UBAP2: variants seen among roughly 807,000 people sequenced by gnomAD.
UBAP2 encodes the protein ubiquitin associated protein 2, also known as ubiquitin-associated protein 2.
In UBAP2, 75 loss-of-function variants were observed where a neutral mutation model predicts 139.6. That is an observed-to-expected ratio of 0.54 (90% CI 0.45 to 0.65). The LOEUF (loss-of-function observed/expected upper bound fraction) is 0.65. Among genes scored for constraint, UBAP2 ranks in the 30% least tolerant of loss-of-function variants. The pLI, the probability that UBAP2 is intolerant of heterozygous loss-of-function variation, is 0.00. For missense variants in UBAP2, 1,368 were observed against 1,369.6 expected (o/e 1.00, Z 0.02); for synonymous variants, 526 against 526.2 (o/e 1.00, Z 0.01).
chr9:33,965,492 C>T (rs925790781), intron 8 of UBAP2, among the ~76,000 whole-genome samples: 2 of 152,082 alleles, frequency 1.3e-5, no homozygotes, highest in East Asian at 1.9e-4. Context: ...TCAGGCTTAT[C>T]GGATTCTATA....
intron 16 of UBAP2, among the ~76,000 whole-genome samples, chr9:33,939,625 T>A (rs1250207655): frequency 6.7e-6 from 1 of 148,236 alleles, no homozygotes; most frequent in South Asian, 2.2e-4. Flanking sequence ...GTGGCATGTG[T>A]CTGCAGTCCC....
At chr9:34,048,920 T>C (rs941267520), upstream of UBAP2, 1 of 152,096 alleles carries the variant, frequency 6.6e-6, no homozygotes, top group Non-Finnish European at 1.5e-5. Flanking sequence ...CGGCACAGGC[T>C]GCCCAACCCG....
intron 6 of UBAP2, among the ~76,000 whole-genome samples, chr9:33,978,107 A>T (rs1820315871): frequency 6.6e-6 from 1 of 152,010 alleles, no homozygotes; most frequent in South Asian, 2.1e-4. Flanking sequence ...ATAGAGGCAC[A>T]ATAATGGCAT....
chr9:34,041,667 T>C (rs1205495365), intron 1 of UBAP2, among the ~76,000 whole-genome samples: 1 of 152,102 alleles, frequency 6.6e-6, no homozygotes, highest in African/African-American at 2.4e-5. Flanking sequence ...ATCGTGCCAC[T>C]GGCATTCCAG....
At position 33,922,776 on chromosome 9, in the gene UBAP2, A is replaced by AGCCAGGGGCCGCTCCCGAG; in HGVS notation, c.3156_3174dup (p.Tyr1059LeufsTer99). 1 of 1,560,008 alleles carries AGCCAGGGGCCGCTCCCGAG rather than the reference A, an allele frequency of 6.4e-7. No homozygotes were observed. Among genetic ancestry groups the AGCCAGGGGCCGCTCCCGAG allele is most frequent in the African/African-American group, 1.4e-5 (1 of 73,424 alleles). On this transcript the variant is annotated frameshift_variant, in exon 28 of 29. Transcript: ENST00000379238. LOFTEE classifies it high-confidence loss of function. ...ATGTGTAGGAATGGTGGGGGTGCATAGCCAGGGGCCGCTCCCGAGGCCAGG... is the reference window on the plus strand; with the variant it reads ...ATGTGTAGGAATGGTGGGGGTGCATAGCCAGGGGCCGCTCCCGAGGCCAGGGGCCGCTCCCGAGGCCAGG...
intron 2 of UBAP2, among the ~76,000 whole-genome samples, chr9:34,009,363 T>G (rs896343900): frequency 2.6e-5 from 4 of 152,006 alleles, no homozygotes; most frequent in Non-Finnish European, 5.9e-5. Context: ...CCTCCCAAAG[T>G]GCTGGGATTA....
At chr9:34,019,698 C>T (rs1369796528) in intron 1 of UBAP2, among the ~76,000 whole-genome samples, 1 of 125,326 alleles carries the variant, frequency 8.0e-6, no homozygotes, top group Non-Finnish European at 2.0e-5. Context: ...TACACACACA[C>T]ACACACACAC....
intron 6 of UBAP2, among the ~76,000 whole-genome samples, chr9:33,979,250 C>T (rs925552489): frequency 6.6e-6 from 1 of 152,072 alleles, no homozygotes; most frequent in Non-Finnish European, 1.5e-5. Context: ...AAAAAAGAAA[C>T]TATAGTTCAC....
chr9:33,961,567 T>C (rs1231006158), intron 9 of UBAP2, among the ~76,000 whole-genome samples: 2 of 152,102 alleles, frequency 1.3e-5, no homozygotes, highest in Non-Finnish European at 2.9e-5. Flanking sequence ...CTTATATAAG[T>C]AGAGGGCCAT....
Position 33,948,438 on chromosome 9 carries a change from A to G in UBAP2, c.1206T>C (p.Pro402=), listed in dbSNP as rs751362950. The part of the protein sequence containing the change: ...PSTQQNSTSH[P]TTTTSWDLKP... ...TGAGGTCCCAAGAAGTAGTAGTTGT[A>G]GGGTGACTTGTACTATTCTGCTGTG... Residue 402 remains proline (P), a synonymous_variant, in exon 13 of 29, where the codon CCT becomes CCC. Transcript: ENST00000379238. 3.1e-6 allele frequency: 5 copies of G among 1,614,102 alleles called. No homozygotes were observed. The highest frequency in any genetic ancestry group is 1.7e-4 in the Middle Eastern group (1 of 6,060).
chr9:33,947,187 C>T (rs1371303381), intron 13 of UBAP2, among the ~76,000 whole-genome samples: 2 of 152,194 alleles, frequency 1.3e-5, no homozygotes, highest in East Asian at 3.9e-4. Context: ...GACATCGCTT[C>T]AAACCCCGGA....
At chr9:34,023,099 G>A (rs1295571156) in intron 1 of UBAP2, among the ~76,000 whole-genome samples, 6 of 151,696 alleles carry the variant, frequency 4.0e-5, no homozygotes, top group Admixed American at 6.6e-5. Context: ...GGTGGCACGC[G>A]CCTGTAGTCC....
At chr9:33,960,928 G>A in intron 9 of UBAP2, 50 bp from the exon 10 acceptor site, 1 of 1,565,248 alleles carries the variant, frequency 6.4e-7, no homozygotes, top group African/African-American at 1.4e-5. Context: ...GTCAAATACA[G>A]TCTCAGTCCA....
At chr9:34,002,371 T>G (rs1030042992) in intron 2 of UBAP2, among the ~76,000 whole-genome samples, 1 of 133,830 alleles carries the variant, frequency 7.5e-6, no homozygotes, top group South Asian at 2.4e-4. Flanking sequence ...ATCCACTGCA[T>G]AGGTGCTTTT....
At chr9:34,026,935 G>C (rs1481449818) in intron 1 of UBAP2, among the ~76,000 whole-genome samples, 1 of 152,106 alleles carries the variant, frequency 6.6e-6, no homozygotes, top group Non-Finnish European at 1.5e-5. Context: ...CATAACTATT[G>C]TTGGCATCAC....
At chr9:34,026,426 G>A (rs569308885) in intron 1 of UBAP2, among the ~76,000 whole-genome samples, 1 of 152,166 alleles carries the variant, frequency 6.6e-6, no homozygotes, top group Admixed American at 6.5e-5. Flanking sequence ...ATGGGCTAAG[G>A]GTTCAACTAC....
chr9:34,000,102 T>G (rs1822573601), intron 2 of UBAP2, among the ~76,000 whole-genome samples: 1 of 151,966 alleles, frequency 6.6e-6, no homozygotes, highest in Non-Finnish European at 1.5e-5. Flanking sequence ...CGCCTGTCAC[T>G]GCACCCAGCC....
chr9:34,036,450 A>C (rs1316361940), intron 1 of UBAP2, among the ~76,000 whole-genome samples: 2 of 152,078 alleles, frequency 1.3e-5, no homozygotes, highest in Non-Finnish European at 2.9e-5. Flanking sequence ...AATCTAAGAA[A>C]ACTAAGGCTC....
intron 2 of UBAP2, among the ~76,000 whole-genome samples, chr9:34,004,677 G>T (rs1429095406): frequency 6.6e-6 from 1 of 151,660 alleles, no homozygotes; most frequent in Admixed American, 6.6e-5. Context: ...CCAGCTACTC[G>T]GGAGGCTGAG....
Sources: allele counts gnomAD v4.1 joint callset (sites outside exome capture counted in the v4.1 genomes callset), GRCh38; gene constraint gnomAD v4.1.1; transcripts MANE v1.5; gene names NCBI Gene and HGNC (gene_info 2026-07-23, HGNC 2026-07-21).